DLC1: variants seen among roughly 807,000 people sequenced by gnomAD.
The protein encoded by DLC1 is DLC1 Rho GTPase activating protein, also known as rho GTPase-activating protein 7.
In DLC1, 54 loss-of-function variants were observed where a neutral mutation model predicts 140.3. The ratio of observed to expected loss-of-function variants is 0.38; its 90% CI spans 0.31 to 0.48. DLC1 has a LOEUF of 0.48. Ranked by LOEUF, DLC1 falls within the 20% of genes least tolerant of loss-of-function variation. The pLI, the probability that DLC1 is intolerant of heterozygous loss-of-function variation, is 0.96. For synonymous variants in DLC1, 986 were observed against 728.1 expected, an observed-to-expected ratio of 1.35 and a Z score of -5.70; for missense variants, 2,536 against 1,907.0, an observed-to-expected ratio of 1.33 and a Z score of -6.14.
chr8:13,446,194 T>C (rs553525975), intron 2 of DLC1, among the ~76,000 whole-genome samples: 2 of 152,202 alleles, frequency 1.3e-5, no homozygotes, highest in Non-Finnish European at 2.9e-5. Flanking sequence ...AACTTTTGAC[T>C]TTGCTCATCA....
At chr8:13,465,368 T>G (rs947264703) in intron 2 of DLC1, among the ~76,000 whole-genome samples, 2 of 152,180 alleles carry the variant, frequency 1.3e-5, no homozygotes, top group Admixed American at 6.5e-5. Context: ...ATACCTAGAA[T>G]GTATAGGGAG....
intron 5 of DLC1, among the ~76,000 whole-genome samples, chr8:13,291,305 A>C (rs1487533250): frequency 6.6e-6 from 1 of 152,248 alleles, no homozygotes; most frequent in Non-Finnish European, 1.5e-5. Flanking sequence ...TAACTTACTT[A>C]AGGCTTATAA....
chr8:13,339,711 A>G (rs1833954980), intron 4 of DLC1: 1 of 152,218 alleles, frequency 6.6e-6, no homozygotes, highest in Non-Finnish European at 1.5e-5. Flanking sequence ...TAAGAAAATA[A>G]TCCCTAGCTT....
intron 1 of DLC1, among the ~76,000 whole-genome samples, chr8:13,534,914 C>T (rs946624245): frequency 6.6e-6 from 1 of 152,134 alleles, no homozygotes; most frequent in Admixed American, 6.6e-5. Flanking sequence ...CTTTGCAACA[C>T]TGGCCCACAC....
At chr8:13,408,240 T>C (rs1837648625) in intron 2 of DLC1, among the ~76,000 whole-genome samples, 1 of 152,220 alleles carries the variant, frequency 6.6e-6, no homozygotes. Flanking sequence ...TATGTGCCAC[T>C]ATGACTATAA....
At chr8:13,503,411 TAAAC>T in intron 1 of DLC1, among the ~76,000 whole-genome samples, 1 of 152,136 alleles carries the variant, frequency 6.6e-6, no homozygotes, top group East Asian at 1.9e-4. Context: ...AATAATAAAT[TAAAC>T]AAATTAAATG....
At position 13,510,170 on chromosome 8, in the gene DLC1, TC is replaced by T. The variant is rs1378189269; in HGVS notation, c.-126+4431del. ...TGAGTGAAACACAATTATTCTTTAT[TC>T]TTTTTTTTTTTTTTTTTCCTGAGAT... On this transcript the variant is annotated intron_variant, in intron 1 of 17. Coordinates refer to ENST00000276297, the MANE Select transcript of DLC1 (RefSeq NM_182643.3). Among the ~76,000 whole-genome samples, 220 of 83,648 alleles carry T rather than the reference TC, an allele frequency of 2.6e-3. 1 individual carries two copies. The highest frequency in any genetic ancestry group is 8.9e-3 in the African/African-American group (208 of 23,296). 54.9% of individuals were successfully genotyped at this position (83,648 alleles called of 152,430 possible). A position where few individuals can be genotyped will look rare whatever the true frequency, so the allele number is the denominator to read the frequency against.
intron 1 of DLC1, among the ~76,000 whole-genome samples, chr8:13,505,824 C>A (rs369217052): frequency 6.6e-6 from 1 of 152,132 alleles, no homozygotes; most frequent in Non-Finnish European, 1.5e-5. Flanking sequence ...TAGGAATTGT[C>A]TAAGCCATAG....
intron 5 of DLC1, among the ~76,000 whole-genome samples, chr8:13,151,587 C>T (rs561231040): frequency 6.6e-6 from 1 of 152,190 alleles, no homozygotes; most frequent in Non-Finnish European, 1.5e-5. Flanking sequence ...TTGACTGTAG[C>T]TTTGCATATC....
intron 5 of DLC1, among the ~76,000 whole-genome samples, chr8:13,144,929 C>G (rs977020875): frequency 3.3e-5 from 5 of 152,234 alleles, no homozygotes; most frequent in African/African-American, 1.2e-4. Flanking sequence ...TAACTGATTG[C>G]TATTGTTTTA....
chr8:13,141,674 T>C (rs1823002225), intron 5 of DLC1, among the ~76,000 whole-genome samples: 1 of 152,214 alleles, frequency 6.6e-6, no homozygotes, highest in South Asian at 2.1e-4. Context: ...TACAGCATGA[T>C]GGCCATTCTA....
chr8:13,390,668 A>G lies in DLC1; in HGVS notation c.1314+2885T>C, dbSNP rs141037929. Among the ~76,000 whole-genome samples, 8 of 152,346 alleles carry G rather than the reference A, an allele frequency of 5.3e-5. No individual in the cohort carries two copies. In the East Asian group the frequency reaches 9.7e-4, roughly 18 times the overall value. ...ATGCATACCTATGTAACAAACCTGC[A>G]CGTTCTGCACATGTATCCTGGAACT... On this transcript the variant is annotated intron_variant, in intron 4 of 17. Transcript: ENST00000276297.
At chr8:13,231,530 TGAA>T (rs1829046074) in intron 5 of DLC1, among the ~76,000 whole-genome samples, 1 of 152,238 alleles carries the variant, frequency 6.6e-6, no homozygotes, top group South Asian at 2.1e-4. Context: ...ACATGCCTCT[TGAA>T]GAAAACTTAT....
rs761694859 is a variant in DLC1 at position 13,499,214 on chromosome 8, A to C, written c.858T>G (p.Asn286Lys). The C allele has an allele frequency of 1.1e-5, 18 of 1,614,002 alleles. No homozygotes were observed. Among genetic ancestry groups the C allele is most frequent in the Middle Eastern group, 3.3e-4 (2 of 6,084 alleles). The change falls in exon 2 of 18, where the codon AAT (asparagine) becomes AAG (lysine). Residue 286 changes from asparagine to lysine, a missense_variant. By Grantham distance (94) the Asn-to-Lys change is moderately conservative. Coordinates refer to ENST00000276297, the MANE Select transcript of DLC1 (RefSeq NM_182643.3). ...CCAGGCCATTTTCAGCTGACATTCC[A>C]TTGGGGCAGGAAGGAGGCTGCAGAA... Reference protein sequence around the residue: ...SCLLQPPSCPNGMSAENGLEK... With the variant: ...SCLLQPPSCPKGMSAENGLEK...
intron 5 of DLC1, among the ~76,000 whole-genome samples, chr8:13,209,763 G>C (rs1394983121): frequency 1.3e-5 from 2 of 152,144 alleles, no homozygotes; most frequent in African/African-American, 2.4e-5. Context: ...TCCACCATGT[G>C]AGATGCCTGC....
intron 1 of DLC1, among the ~76,000 whole-genome samples, chr8:13,547,760 T>G (rs1446448535): frequency 6.6e-6 from 1 of 152,070 alleles, no homozygotes; most frequent in Non-Finnish European, 1.5e-5. Flanking sequence ...TAACTTCATA[T>G]CCCTGCCTAC....
chr8:13,339,754 C>G (rs1193741589), intron 4 of DLC1: 3 of 152,154 alleles, frequency 2.0e-5, no homozygotes, highest in Admixed American at 6.5e-5. Flanking sequence ...GTGATTCTCT[C>G]CAAATTAAAA....
intron 5 of DLC1, among the ~76,000 whole-genome samples, chr8:13,250,723 A>G (rs1194750411): frequency 6.6e-6 from 1 of 151,382 alleles, no homozygotes; most frequent in Non-Finnish European, 1.5e-5. Context: ...TTAAGCATGT[A>G]TTTAAGCAGA....
At chr8:13,465,976 A>G (rs549837465) in intron 2 of DLC1, among the ~76,000 whole-genome samples, 1 of 152,222 alleles carries the variant, frequency 6.6e-6, no homozygotes, top group South Asian at 2.1e-4. Context: ...CTGCCTTTAT[A>G]CAGATTATAC....
Sources: gnomAD v4.1 joint callset for allele counts (sites outside exome capture counted in the v4.1 genomes callset) on GRCh38, gnomAD v4.1.1 for gene constraint, MANE v1.5 for transcripts, NCBI Gene and HGNC (gene_info 2026-07-23, HGNC 2026-07-21) for gene names.